Variants in RIN3 observed in about 807,000 individuals in gnomAD.
RIN3 encodes Ras and Rab interactor 3.
A neutral mutation model predicts 76.3 loss-of-function variants in RIN3; 54 were observed. The observed-to-expected ratio is 0.71, with a 90% CI of 0.57 to 0.89. RIN3 has a LOEUF of 0.89. RIN3 is among the 40% of genes least tolerant of loss of function. The pLI is 0.00. For missense variants in RIN3, 1,256 were observed against 1,322.1 expected, an observed-to-expected ratio of 0.95 and a Z score of 0.78; for synonymous variants, 576 against 564.0, an observed-to-expected ratio of 1.02 and a Z score of -0.30.
Position 92,545,357 on chromosome 14 carries a change from G to A in RIN3, c.45-10394G>A, listed in dbSNP as rs902589599. Among the ~76,000 whole-genome samples, 17 of 151,846 alleles carry A rather than the reference G, an allele frequency of 1.1e-4. No homozygotes were observed. The East Asian group carries it at 1.9e-3, about 17-fold the overall frequency. The stretch of plus-strand genomic sequence containing the variant: ...GATCTCCTGACCTCGTGATCCACCT[G>A]CCTCGGCCTCCCAAAGTGCTGGGAT... On this transcript the variant is annotated intron_variant, in intron 1 of 9. Coordinates refer to ENST00000216487, the MANE Select transcript of RIN3 (RefSeq NM_024832.5).
intron 4 of RIN3, chr14:92,615,905 T>C: frequency 5.8e-6 from 1 of 171,980 alleles, no homozygotes; most frequent in Non-Finnish European, 1.2e-5. Flanking sequence ...CTAACCACCC[T>C]GAGAACTGCC....
chr14:92,595,781 G>A (rs769696404), intron 3 of RIN3, among the ~76,000 whole-genome samples: 1 of 152,152 alleles, frequency 6.6e-6, no homozygotes, highest in African/African-American at 2.4e-5. Context: ...AGAAGGCGCC[G>A]TTCTTCTTTT....
At chr14:92,587,434 T>C (rs1439794832) in intron 3 of RIN3, among the ~76,000 whole-genome samples, 6 of 152,030 alleles carry the variant, frequency 3.9e-5, no homozygotes, top group East Asian at 1.9e-4. Context: ...AACGGGAACA[T>C]AGGGACAGTG....
chr14:92,565,280 C>T (rs1897887656), intron 2 of RIN3, among the ~76,000 whole-genome samples: 1 of 152,100 alleles, frequency 6.6e-6, no homozygotes, highest in Non-Finnish European at 1.5e-5. Context: ...AGCTTTGTGA[C>T]ATTCGTTCTC....
intron 3 of RIN3, among the ~76,000 whole-genome samples, chr14:92,583,092 C>T (rs563325590): frequency 2.0e-5 from 3 of 152,212 alleles, no homozygotes; most frequent in Non-Finnish European, 2.9e-5. Context: ...GGAAAGGGTT[C>T]GTGTGTCTAC....
At chr14:92,523,380 G>A (rs562181128) in intron 1 of RIN3, among the ~76,000 whole-genome samples, 1 of 152,312 alleles carries the variant, frequency 6.6e-6, no homozygotes, top group Non-Finnish European at 1.5e-5. Flanking sequence ...CCAAAGTGCT[G>A]GGATTACAGG....
intron 1 of RIN3, among the ~76,000 whole-genome samples, chr14:92,536,471 C>A (rs1897001640): frequency 6.6e-6 from 1 of 152,154 alleles, no homozygotes; most frequent in Non-Finnish European, 1.5e-5. Flanking sequence ...CAGCCGGGAG[C>A]AGTGACTCAC....
intron 6 of RIN3, among the ~76,000 whole-genome samples, chr14:92,653,314 C>A (rs1887543627): frequency 6.6e-6 from 1 of 152,174 alleles, no homozygotes; most frequent in Non-Finnish European, 1.5e-5. Context: ...TCTGCACCCT[C>A]TCTTCCACCA....
At chr14:92,668,103 C>T (rs926007865) in intron 7 of RIN3, among the ~76,000 whole-genome samples, 2 of 152,222 alleles carry the variant, frequency 1.3e-5, no homozygotes, top group African/African-American at 4.8e-5. Context: ...CTCACAACCA[C>T]TCCAGGGGAT....
intron 6 of RIN3, among the ~76,000 whole-genome samples, chr14:92,653,859 A>T (rs987227778): frequency 4.6e-5 from 7 of 152,122 alleles, no homozygotes; most frequent in African/African-American, 7.2e-5. Context: ...CTCTACAAAA[A>T]ATACAAAAAT....
At chr14:92,671,460 G>A (rs1888285384) in intron 7 of RIN3, among the ~76,000 whole-genome samples, 1 of 152,176 alleles carries the variant, frequency 6.6e-6, no homozygotes, top group Admixed American at 6.5e-5. Flanking sequence ...GTTGGAAGAT[G>A]GAAAGTAGAG....
chr14:92,585,178 AATTTTT>A (rs1884724758), intron 3 of RIN3, among the ~76,000 whole-genome samples: 2 of 151,896 alleles, frequency 1.3e-5, no homozygotes, highest in Admixed American at 1.3e-4. Flanking sequence ...GTGCCTGGGT[AATTTTT>A]TTATTTTTTG....
Position 92,513,866 on chromosome 14 carries a change from G to A in RIN3, c.-67G>A. On this transcript the variant is annotated 5_prime_UTR_variant, in exon 1 of 10. Coordinates refer to ENST00000216487, the MANE Select transcript of RIN3 (RefSeq NM_024832.5). ...AGAGCCAGGGACATGCGGGCGCCCG[G>A]GACTCCGCGTTCCGCGCGGCCCGGC... 2 of 1,183,996 alleles carry A rather than the reference G, an allele frequency of 1.7e-6. No homozygotes were observed. Among genetic ancestry groups the A allele is most frequent in the Non-Finnish European group, 2.1e-6 (2 of 939,590 alleles). 73.3% of individuals were successfully genotyped at this position (1,183,996 alleles called of 1,614,324 possible). A position where few individuals can be genotyped will look rare whatever the true frequency, so the allele number is the denominator to read the frequency against.
chr14:92,529,642 G>A (rs779010826), intron 1 of RIN3, among the ~76,000 whole-genome samples: 4 of 152,164 alleles, frequency 2.6e-5, no homozygotes, highest in Non-Finnish European at 4.4e-5. Context: ...GGTTGAACAG[G>A]GCGACACTCT....
chr14:92,544,680 C>T lies in RIN3; in HGVS notation c.45-11071C>T, dbSNP rs750687845. Among the ~76,000 whole-genome samples, 95 of 151,784 alleles carry T rather than the reference C, an allele frequency of 6.3e-4. 1 individual carries two copies. Among genetic ancestry groups the T allele is most frequent in the Admixed American group, 7.2e-4 (11 of 15,244 alleles). ...CTCGACTTGTGGCATGCTCTGGGAC[C>T]CGGGGGTATGTGTGTTTATACATGA... On this transcript the variant is annotated intron_variant, in intron 1 of 9. Coordinates refer to ENST00000216487, the MANE Select transcript of RIN3 (RefSeq NM_024832.5).
chr14:92,521,408 T>TGTGA (rs1266500287), intron 1 of RIN3, among the ~76,000 whole-genome samples: 1 of 152,148 alleles, frequency 6.6e-6, no homozygotes, highest in African/African-American at 2.4e-5. Context: ...CATGTTGAAA[T>TGTGA]GTGATCCCCA....
chr14:92,655,926 G>A (rs909381313), intron 6 of RIN3, among the ~76,000 whole-genome samples: 3 of 152,202 alleles, frequency 2.0e-5, no homozygotes, highest in Admixed American at 6.5e-5. Context: ...GAGGTCGAGC[G>A]GGCCATGGAG....
rs532548327 is a variant in RIN3, at chr14:92,663,821, AC to A, written c.2335+4354del. ...TAGCCTTGGACATTAATCTCCCTGG[AC>A]CTTTGTTTGTGTACAAAATGAGGGT... On this transcript the variant is annotated intron_variant, in intron 7 of 9. Transcript: ENST00000216487. Among the ~76,000 whole-genome samples the A allele has an allele frequency of 7.9e-5, 12 of 152,200 alleles. No homozygotes were observed. In the South Asian group the frequency reaches 2.3e-3, roughly 29 times the overall value.
At chr14:92,632,964 G>A (rs2140121990) in intron 4 of RIN3, among the ~76,000 whole-genome samples, 1 of 152,314 alleles carries the variant, frequency 6.6e-6, no homozygotes, top group Non-Finnish European at 1.5e-5. Context: ...CAGGTGCTGT[G>A]AGCCTGTTGC....
Sources: gnomAD v4.1 joint callset for allele counts (sites outside exome capture counted in the v4.1 genomes callset) on GRCh38, gnomAD v4.1.1 for gene constraint, MANE v1.5 for transcripts, NCBI Gene and HGNC (gene_info 2026-07-23, HGNC 2026-07-21) for gene names.